Variants in KIR2DL1 observed in about 807,000 individuals in gnomAD.
KIR2DL1 encodes the protein killer cell immunoglobulin like receptor, two Ig domains and long cytoplasmic tail 1.
Under a neutral mutation model 33.9 loss-of-function variants are expected in KIR2DL1, and 38 were observed. The ratio of observed to expected loss-of-function variants is 1.12; its 90% CI spans 0.86 to 1.47. KIR2DL1 has a LOEUF of 1.47. Ranked by LOEUF, KIR2DL1 falls within the 40% of genes most tolerant of loss-of-function variation. KIR2DL1 has a pLI of 0.00. For missense variants in KIR2DL1, 531 were observed against 433.9 expected (o/e 1.22, Z -1.99); for synonymous variants, 179 against 165.9 (o/e 1.08, Z -0.61).
At chr19:54,778,469 A>T (rs1258778706) in intron 4 of KIR2DL1, 143 bp from the exon 5 acceptor site, 1 of 854,764 alleles carries the variant, frequency 1.2e-6, no homozygotes, top group East Asian at 2.4e-5. Flanking sequence ...TCATATAAAA[A>T]AATTATGGAA....
In KIR2DL1 at chr19:54,773,357, T is replaced by C. The variant is rs1346625487; in HGVS notation, c.95T>C (p.Leu32Pro). 3 of 1,599,376 alleles carry C rather than the reference T, an allele frequency of 1.9e-6. 1 individual carries two copies. Among genetic ancestry groups the C allele is most frequent in the Non-Finnish European group, 8.5e-7 (1 of 1,170,684 alleles). Residue 32 changes from leucine to proline, a missense_variant, in exon 3 of 8, where the codon CTG becomes CCG. Transcript: ENST00000336077. ...HEGVHRKPSL[L>P]AHPGRLVKSE... ...GGAGTCCACAGAAAACCTTCCCTCC[T>C]GGCCCACCCAGGTCGCCTGGTGAAA...
rs111321678 is a variant in KIR2DL1, at chr19:54,783,837, C to G, written c.*24C>G. The G allele has an allele frequency of 1.0e-4, 165 of 1,613,138 alleles. No homozygotes were observed. The highest frequency in any genetic ancestry group is 8.3e-4 in the Middle Eastern group (5 of 6,056). Reference sequence around the variant, plus strand: ...GAGCACCACAGTCAGGCCTTGAGGGCGTCTTCTAGGGAGACAACAGCCCTG... The same window carrying G: ...GAGCACCACAGTCAGGCCTTGAGGGGGTCTTCTAGGGAGACAACAGCCCTG... On this transcript the variant is annotated 3_prime_UTR_variant, in exon 8 of 8. Coordinates refer to ENST00000336077, the MANE Select transcript of KIR2DL1 (RefSeq NM_014218.3).
chr19:54,770,479 A>G (rs1380497996), intron 1 of KIR2DL1, among the ~76,000 whole-genome samples: 1 of 128,182 alleles, frequency 7.8e-6, no homozygotes, highest in Non-Finnish European at 1.7e-5. Flanking sequence ...GAGATATGGG[A>G]CTGGAGAGGA....
In KIR2DL1 at chr19:54,771,246, C is replaced by T. The variant is rs1477288623; in HGVS notation, c.70+362C>T. 4.0e-5 allele frequency among the ~76,000 whole-genome samples: 6 copies of T among 148,616 alleles called. 2 individuals carry two copies. The highest frequency in any genetic ancestry group is 9.1e-5 in the Non-Finnish European group (6 of 66,260). ...AGAGGTGGGAAAACCACAGCCATGG[C>T]CCTGACATTCCAATCCTCTGATGGG... On this transcript the variant is annotated intron_variant, in intron 2 of 7. Coordinates refer to ENST00000336077, the MANE Select transcript of KIR2DL1 (RefSeq NM_014218.3).
At chr19:54,778,862 GGAGCTGA>G (rs1341388778) in intron 5 of KIR2DL1, among the ~76,000 whole-genome samples, 200 bp downstream of exon 5, 1 of 148,640 alleles carries the variant, frequency 6.7e-6, no homozygotes, top group East Asian at 1.9e-4. Flanking sequence ...CTCATTTTAT[GGAGCTGA>G]GACCTCCTAC....
Position 54,775,604 on chromosome 19 carries a change from C to T in KIR2DL1, c.664+146C>T, listed in dbSNP as rs667479. ...GGGAGGGATCAGGGCACAGGATGGC[C>T]GACAGGGCACCTCCAAACCCTCCTA... On this transcript the variant is annotated intron_variant, in intron 4 of 7. Transcript: ENST00000336077. 1.1e-3 allele frequency: 1,245 copies of T among 1,118,888 alleles called. 98 individuals are homozygous for T. In the African/African-American group the frequency reaches 0.017, roughly 15 times the overall value. 69.3% of individuals were successfully genotyped at this position (1,118,888 alleles called of 1,614,324 possible).
chr19:54,782,064 T>C (rs1278324844), intron 5 of KIR2DL1, among the ~76,000 whole-genome samples: 2 of 151,978 alleles, frequency 1.3e-5, no homozygotes, highest in Non-Finnish European at 2.9e-5. Flanking sequence ...TATATTTCAA[T>C]GTGACCCAGT....
chr19:54,784,038 C>G lies in KIR2DL1; in HGVS notation c.*225C>G. 1 of 697,040 alleles carries G rather than the reference C, an allele frequency of 1.4e-6. No individual in the cohort carries two copies. Among genetic ancestry groups the G allele is most frequent in the Non-Finnish European group, 2.4e-6 (1 of 418,024 alleles). 43.2% of individuals were successfully genotyped at this position (697,040 alleles called of 1,614,324 possible). On this transcript the variant is annotated 3_prime_UTR_variant, in exon 8 of 8. Coordinates refer to ENST00000336077, the MANE Select transcript of KIR2DL1 (RefSeq NM_014218.3). ...AGAAAAAACACACTCCTTTGCTTAA[C>G]CCACAGTTCTCCATTTCACTTGACC...
At chr19:54,776,634 CTTTTTTTTT>C (rs113294942) in intron 4 of KIR2DL1, among the ~76,000 whole-genome samples, 4 of 128,314 alleles carry the variant, frequency 3.1e-5, no homozygotes, top group African/African-American at 1.2e-4. Context: ...TGAAAGTTCT[CTTTTTTTTT>C]TTTTTTTCTT....
At chr19:54,772,950 T>A (rs2075916558) in intron 2 of KIR2DL1, among the ~76,000 whole-genome samples, 1 of 147,632 alleles carries the variant, frequency 6.8e-6, no homozygotes, top group African/African-American at 2.5e-5. Flanking sequence ...AGTTCATACC[T>A]CCTGCCAAGG....
chr19:54,775,215 G>GCA lies in KIR2DL1; in HGVS notation c.422_423dup (p.Gly142GlnfsTer5). The GCA allele has an allele frequency of 6.2e-7, 1 of 1,601,092 alleles. No homozygotes were observed. Among genetic ancestry groups the GCA allele is most frequent in the South Asian group, 1.1e-5 (1 of 90,058 alleles). ...AGCCCAGCTGGGCCCCACGGTTCTG[G>GCA]CAGGAGAGAATGTGACCTTGTCCTG... On this transcript the variant is annotated frameshift_variant, in exon 4 of 8. Coordinates refer to ENST00000336077, the MANE Select transcript of KIR2DL1 (RefSeq NM_014218.3). LOFTEE classifies it high-confidence loss of function.
chr19:54,783,072 G>A (rs1422787555), intron 6 of KIR2DL1, 49 bp downstream of exon 6: 12 of 1,582,490 alleles, frequency 7.6e-6, no homozygotes, highest in Non-Finnish European at 1.0e-5. Context: ...ATGTGGGGAA[G>A]CAGGATGGGA....
intron 4 of KIR2DL1, among the ~76,000 whole-genome samples, chr19:54,777,160 G>C (rs878877618): frequency 2.0e-5 from 3 of 150,416 alleles, no homozygotes; most frequent in Admixed American, 6.7e-5. Context: ...GCGCTATCTC[G>C]GCTCACCACA....
chr19:54,778,812 A>G, intron 5 of KIR2DL1, 150 bp downstream of exon 5: 1 of 1,052,558 alleles, frequency 9.5e-7, no homozygotes, highest in Non-Finnish European at 1.4e-6. Context: ...AGCGAAAGGG[A>G]TCTGGGCCCA....
chr19:54,779,713 G>T (rs1219009299), intron 5 of KIR2DL1, among the ~76,000 whole-genome samples: 2 of 149,298 alleles, frequency 1.3e-5, no homozygotes, highest in African/African-American at 4.9e-5. Flanking sequence ...GGCTAGGACA[G>T]GGACATTTTG....
intron 6 of KIR2DL1, 74 bp downstream of exon 6, chr19:54,783,097 G>C: frequency 2.6e-6 from 4 of 1,517,598 alleles, no homozygotes; most frequent in Non-Finnish European, 3.7e-6. Flanking sequence ...TCAGGTGTGT[G>C]TTCCTCACAA....
chr19:54,773,518 T>C lies in KIR2DL1; in HGVS notation c.256T>C (p.Ser86Pro), dbSNP rs2075994932. ...TGATGGGGTCTCCAAGGCCAACTTC[T>C]CCATCAGTCGCATGACGCAAGACCT... ...HHDGVSKANF[S>P]ISRMTQDLAG... The change falls in exon 3 of 8, where the codon TCC becomes CCC. Residue 86 changes from serine (S) to proline (P), a missense_variant. Coordinates refer to ENST00000336077, the MANE Select transcript of KIR2DL1 (RefSeq NM_014218.3). The C allele has an allele frequency of 1.3e-6, 2 of 1,584,454 alleles. No individual in the cohort carries two copies.
chr19:54,775,086 G>A, intron 3 of KIR2DL1, 79 bp from the exon 4 acceptor site: 4 of 1,461,394 alleles, frequency 2.7e-6, no homozygotes, highest in African/African-American at 2.9e-5. Context: ...ATAGAACAGG[G>A]GAGTGAGTTC....
rs1479468214 is a variant in KIR2DL1 at position 54,783,030 on chromosome 19, C to G, written c.817+7C>G. 2 of 1,612,522 alleles carry G rather than the reference C, an allele frequency of 1.2e-6. 1 individual carries two copies. The highest frequency in any genetic ancestry group is 1.7e-6 in the Non-Finnish European group (2 of 1,179,128). ...TGGTGCTCCAACAAAAAAAGTAAGT[C>G]TCACGAAGCAGAGGCCAGAGAGCTC... On this transcript the variant is annotated splice_region_variant and intron_variant, in intron 6 of 7. Transcript: ENST00000336077.
Sources: allele counts gnomAD v4.1 joint callset (sites outside exome capture counted in the v4.1 genomes callset), GRCh38; gene constraint gnomAD v4.1.1; transcripts MANE v1.5; gene names NCBI Gene and HGNC (gene_info 2026-07-23, HGNC 2026-07-21).